The following GRID2 variants were observed in gnomAD, a reference collection of about 807,000 sequenced individuals.
The protein encoded by GRID2 is glutamate receptor ionotropic, delta-2.
GRID2 carries 33 observed loss-of-function variants against 114.8 expected under a neutral mutation model. That is an observed-to-expected ratio of 0.29 (90% CI 0.22 to 0.38). The LOEUF (loss-of-function observed/expected upper bound fraction) is 0.38. Ranked by LOEUF, GRID2 falls within the 10% of genes least tolerant of loss-of-function variation. GRID2 has a pLI of 1.00. For missense variants in GRID2, 1,184 were observed against 1,257.7 expected, an observed-to-expected ratio of 0.94 and a Z score of 0.89; for synonymous variants, 505 against 449.9, an observed-to-expected ratio of 1.12 and a Z score of -1.55.
At chr4:93,451,851 G>T (rs1421328627) in intron 10 of GRID2, among the ~76,000 whole-genome samples, 7 of 152,082 alleles carry the variant, frequency 4.6e-5, no homozygotes, top group Non-Finnish European at 2.9e-5. Flanking sequence ...TATATAAAAA[G>T]ACACCATTAA....
At chr4:92,551,801 A>G (rs1331000550) in intron 1 of GRID2, among the ~76,000 whole-genome samples, 1 of 152,164 alleles carries the variant, frequency 6.6e-6, no homozygotes, top group Non-Finnish European at 1.5e-5. Context: ...TAGTCTATGC[A>G]TGAAGTGAGA....
At chr4:92,821,172 C>G (rs1741257030) in intron 2 of GRID2, among the ~76,000 whole-genome samples, 1 of 151,938 alleles carries the variant, frequency 6.6e-6, no homozygotes, top group African/African-American at 2.4e-5. Flanking sequence ...TAATTTAGGC[C>G]AGATATTTCA....
chr4:93,798,107 C>G (rs560190984), intron 1 of GRID2, among the ~76,000 whole-genome samples: 80 of 152,056 alleles, frequency 5.3e-4, no homozygotes, highest in African/African-American at 1.8e-3. Context: ...GAGCCGAGAT[C>G]GCACCATCGC....
At chr4:92,680,652 TTTAGAACAATAATCACAGGGTCAGA>T (rs1383344710) in intron 2 of GRID2, among the ~76,000 whole-genome samples, 2 of 152,256 alleles carry the variant, frequency 1.3e-5, no homozygotes, top group East Asian at 3.9e-4. Flanking sequence ...TCGTTGTTAT[TTTAGAACAATAATCACAGGGTCAGA>T]GCTGTAGTCA....
intron 2 of GRID2, among the ~76,000 whole-genome samples, chr4:92,754,161 G>A (rs554086441): frequency 1.3e-5 from 2 of 152,292 alleles, no homozygotes; most frequent in South Asian, 2.1e-4. Context: ...CATGTAATGG[G>A]TGTCTGAAAA....
chr4:92,651,973 G>A (rs1731955702), intron 2 of GRID2, among the ~76,000 whole-genome samples: 1 of 152,074 alleles, frequency 6.6e-6, no homozygotes, highest in African/African-American at 2.4e-5. Flanking sequence ...GGAAAAAGAA[G>A]GCATGTGTCA....
intron 2 of GRID2, among the ~76,000 whole-genome samples, chr4:92,652,857 TATAA>T (rs1732016782): frequency 1.8e-5 from 2 of 109,502 alleles, no homozygotes; most frequent in Admixed American, 1.0e-4. Flanking sequence ...ATATATAATA[TATAA>T]ATACATATAA....
chr4:93,671,646 A>G lies in GRID2; in HGVS notation c.2360+45211A>G, dbSNP rs564822055. ...AGAAACATGAAAGTTAAATGTAAGT[A>G]GAACAACACTATATATATTATCACT... is the stretch of plus-strand genomic sequence containing the variant. On this transcript the variant is annotated intron_variant, in intron 14 of 15. Coordinates refer to ENST00000282020, the MANE Select transcript of GRID2 (RefSeq NM_001510.4). Among the ~76,000 whole-genome samples, 18 of 152,300 alleles carry G rather than the reference A, an allele frequency of 1.2e-4. No individual in the cohort carries two copies. The South Asian group carries it at 3.3e-3, about 28-fold the overall frequency.
At chr4:93,160,579 T>G (rs981509552) in intron 4 of GRID2, among the ~76,000 whole-genome samples, 9 of 151,736 alleles carry the variant, frequency 5.9e-5, no homozygotes, top group Non-Finnish European at 1.3e-4. Context: ...CTTTCCCCTC[T>G]CCTCTGCGAA....
chr4:92,557,110 C>T (rs1331517258), intron 1 of GRID2, among the ~76,000 whole-genome samples: 1 of 151,708 alleles, frequency 6.6e-6, no homozygotes, highest in African/African-American at 2.4e-5. Context: ...TCTCTTTTGC[C>T]CCTTCTTGGT....
intron 2 of GRID2, among the ~76,000 whole-genome samples, chr4:92,871,585 C>T (rs989073142): frequency 4.6e-5 from 7 of 152,140 alleles, no homozygotes; most frequent in African/African-American, 1.7e-4. Context: ...GGGCAGAGTA[C>T]TGACACTCAT....
intron 2 of GRID2, among the ~76,000 whole-genome samples, chr4:92,620,751 T>C (rs966249832): frequency 1.3e-5 from 2 of 150,110 alleles, no homozygotes; most frequent in African/African-American, 4.9e-5. Context: ...ATGACAGTAT[T>C]AGGACACAGG....
At chr4:92,739,151 AT>A (rs967120512) in intron 2 of GRID2, among the ~76,000 whole-genome samples, 2 of 152,114 alleles carry the variant, frequency 1.3e-5, no homozygotes, top group Non-Finnish European at 2.9e-5. Flanking sequence ...ACATTTCCAA[AT>A]TTTTTATCTC....
intron 9 of GRID2, among the ~76,000 whole-genome samples, chr4:93,418,144 A>G (rs1767907352): frequency 6.6e-6 from 1 of 151,762 alleles, no homozygotes; most frequent in Admixed American, 6.6e-5. Context: ...AGTGAATGCT[A>G]TTCACTCCTA....
intron 10 of GRID2, among the ~76,000 whole-genome samples, chr4:93,438,937 GT>G (rs770602887): frequency 1.3e-5 from 2 of 151,882 alleles, no homozygotes; most frequent in African/African-American, 4.8e-5. Flanking sequence ...GCGGTGTTTG[GT>G]TTTTTGTCCT....
intron 4 of GRID2, among the ~76,000 whole-genome samples, chr4:93,124,166 T>C (rs1734064128): frequency 6.6e-6 from 1 of 151,464 alleles, no homozygotes; most frequent in Admixed American, 6.6e-5. Flanking sequence ...AGTGTTTGTC[T>C]ATTGCTGCTT....
intron 3 of GRID2, among the ~76,000 whole-genome samples, chr4:93,091,046 T>A (rs1184523248): frequency 6.6e-6 from 1 of 152,148 alleles, no homozygotes; most frequent in African/African-American, 2.4e-5. Flanking sequence ...AAAATTCCAT[T>A]GGAACTCAGC....
intron 1 of GRID2, among the ~76,000 whole-genome samples, chr4:92,324,749 TA>T (rs1489182640): frequency 2.0e-5 from 3 of 151,964 alleles, no homozygotes; most frequent in African/African-American, 7.2e-5. Flanking sequence ...AGTGAAAATC[TA>T]TATATGCTGA....
chr4:93,617,979 AC>A (rs199740775), intron 13 of GRID2, among the ~76,000 whole-genome samples: 3 of 149,890 alleles, frequency 2.0e-5, no homozygotes, highest in African/African-American at 5.1e-5. Flanking sequence ...GTTTGATACT[AC>A]CCCCCCTAAC....
Sources: gnomAD v4.1 joint callset for allele counts (sites outside exome capture counted in the v4.1 genomes callset) on GRCh38, gnomAD v4.1.1 for gene constraint, MANE v1.5 for transcripts, NCBI Gene and HGNC (gene_info 2026-07-23, HGNC 2026-07-21) for gene names.